The following SAMSN1 variants were observed in gnomAD, a reference collection of about 807,000 sequenced individuals.
SAMSN1 encodes the protein SAM domain, SH3 domain and nuclear localization signals 1, also known as SAM domain-containing protein SAMSN-1.
In SAMSN1, 31 loss-of-function variants were observed where a neutral mutation model predicts 42.0. The observed-to-expected ratio is 0.74, with a 90% confidence interval of 0.55 to 1.00. The LOEUF is 1.00. Among genes scored for constraint, SAMSN1 ranks in the 50% least tolerant of loss-of-function variants. The pLI is 0.00. For synonymous variants in SAMSN1, 178 were observed against 151.9 expected, an observed-to-expected ratio of 1.17 and a Z score of -1.26; for missense variants, 464 against 439.4, an observed-to-expected ratio of 1.06 and a Z score of -0.50.
chr21:14,644,993 T>C (rs980635503), intron 1 of SAMSN1, among the ~76,000 whole-genome samples: 1 of 152,130 alleles, frequency 6.6e-6, no homozygotes, highest in Admixed American at 6.5e-5. Context: ...AGCTCAGCTG[T>C]AATACAATAA....
upstream of SAMSN1, among the ~76,000 whole-genome samples, chr21:14,584,087 G>A (rs1260585579): frequency 6.0e-5 from 9 of 151,142 alleles, no homozygotes; most frequent in East Asian, 1.9e-4. Flanking sequence ...GTGAAACAGC[G>A]GAAAAAAACA....
At chr21:14,598,868 T>C (rs531873469) in intron 6 of SAMSN1, among the ~76,000 whole-genome samples, 8 of 152,204 alleles carry the variant, frequency 5.3e-5, no homozygotes, top group Non-Finnish European at 1.0e-4. Flanking sequence ...CAGGAAATGA[T>C]CATAGGAAAA....
At position 14,551,759 on chromosome 21, in the gene SAMSN1, A is replaced by G. The variant is rs1211118728; in HGVS notation, c.261+30377T>C. 2.0e-5 allele frequency among the ~76,000 whole-genome samples: 3 copies of G among 152,190 alleles called. No homozygotes were observed. In the East Asian group the frequency reaches 5.8e-4, roughly 29 times the overall value. Reference sequence around the variant, plus strand: ...GCTGTGTGCTTTATAAATATTTTCAATATAATCTTCACAAAAATCTTCATG... The same window carrying G: ...GCTGTGTGCTTTATAAATATTTTCAGTATAATCTTCACAAAAATCTTCATG... On this transcript the variant is annotated intron_variant, in intron 2 of 8. Coordinates refer to the SAMSN1 transcript ENST00000285670.
intron 1 of SAMSN1, among the ~76,000 whole-genome samples, chr21:14,644,906 G>A (rs546025419): frequency 9.2e-5 from 14 of 152,266 alleles, no homozygotes; most frequent in African/African-American, 3.4e-4. Context: ...ACCTAGGGTG[G>A]TATGGCTACA....
intron 2 of SAMSN1, among the ~76,000 whole-genome samples, chr21:14,561,172 A>G (rs918484283): frequency 2.0e-5 from 3 of 151,920 alleles, no homozygotes; most frequent in African/African-American, 7.3e-5. Flanking sequence ...CAGACTCATG[A>G]CTCAACTGGT....
chr21:14,597,235 C>T (rs1982295228), intron 6 of SAMSN1, among the ~76,000 whole-genome samples: 1 of 152,026 alleles, frequency 6.6e-6, no homozygotes. Context: ...TATATCACAG[C>T]ATAACCTTAA....
intron 2 of SAMSN1, among the ~76,000 whole-genome samples, chr21:14,626,508 A>C (rs1600972200): frequency 2.6e-5 from 4 of 152,254 alleles, no homozygotes; most frequent in African/African-American, 9.6e-5. Flanking sequence ...ACATTTATGC[A>C]GCCAAAAGAC....
intron 5 of SAMSN1, 58 bp from the exon 6 acceptor site, chr21:14,500,793 AT>A: frequency 7.6e-7 from 1 of 1,307,834 alleles, no homozygotes; most frequent in Non-Finnish European, 1.1e-6. Flanking sequence ...GATAGAAAGA[AT>A]GAAATCATAG....
chr21:14,603,231 T>A (rs1426082788), intron 5 of SAMSN1, among the ~76,000 whole-genome samples: 1 of 152,188 alleles, frequency 6.6e-6, no homozygotes, highest in Non-Finnish European at 1.5e-5. Context: ...GTCACCTTTT[T>A]ACAGGAATTT....
At chr21:14,529,120 G>A (rs1369856204) in intron 1 of SAMSN1, among the ~76,000 whole-genome samples, 1 of 152,200 alleles carries the variant, frequency 6.6e-6, no homozygotes, top group Non-Finnish European at 1.5e-5. Context: ...GCTGGCCACT[G>A]TGGACGAACT....
intron 2 of SAMSN1, among the ~76,000 whole-genome samples, chr21:14,629,626 C>T (rs1430173952): frequency 6.6e-6 from 1 of 152,204 alleles, no homozygotes; most frequent in Non-Finnish European, 1.5e-5. Context: ...CATCCACACA[C>T]AGCCTCTCAT....
intron 2 of SAMSN1, among the ~76,000 whole-genome samples, chr21:14,642,148 CG>C (rs2098570949): frequency 6.6e-6 from 1 of 151,994 alleles, no homozygotes; most frequent in Admixed American, 6.6e-5. Context: ...GCAGTTGTGG[CG>C]AAAGAAAATC....
At chr21:14,549,817 A>G (rs1296246498), upstream of SAMSN1, among the ~76,000 whole-genome samples, 1 of 152,104 alleles carries the variant, frequency 6.6e-6, no homozygotes, top group Non-Finnish European at 1.5e-5. Context: ...GCCCCCTCAG[A>G]GTAGACTTCT....
At chr21:14,557,191 G>A (rs1292369687) in intron 2 of SAMSN1, among the ~76,000 whole-genome samples, 1 of 152,124 alleles carries the variant, frequency 6.6e-6, no homozygotes, top group Non-Finnish European at 1.5e-5. Flanking sequence ...GTGGACTTTG[G>A]AGGAGTGATG....
At chr21:14,551,288 C>A (rs939426673), upstream of SAMSN1, among the ~76,000 whole-genome samples, 1 of 151,942 alleles carries the variant, frequency 6.6e-6, no homozygotes, top group Non-Finnish European at 1.5e-5. Flanking sequence ...AGAAACAGAT[C>A]ATTGGGATAA....
chr21:14,500,018 TA>T (rs1220595910), intron 6 of SAMSN1, among the ~76,000 whole-genome samples: 1 of 152,188 alleles, frequency 6.6e-6, no homozygotes, highest in African/African-American at 2.4e-5. Context: ...GGGTTACAGA[TA>T]CAGACAACAC....
intron 7 of SAMSN1, among the ~76,000 whole-genome samples, chr21:14,589,772 A>G (rs992978262): frequency 3.9e-5 from 6 of 152,136 alleles, no homozygotes; most frequent in Admixed American, 2.0e-4. Context: ...GAAGTAAAAA[A>G]CAAAACAAAA....
intron 2 of SAMSN1, among the ~76,000 whole-genome samples, chr21:14,581,817 T>A (rs1263339799): frequency 6.6e-6 from 1 of 152,108 alleles, no homozygotes; most frequent in Non-Finnish European, 1.5e-5. Context: ...TCAGTGAAAT[T>A]TCATTATAAT....
intron 1 of SAMSN1, among the ~76,000 whole-genome samples, chr21:14,533,361 G>C (rs759225521): frequency 6.6e-6 from 1 of 152,034 alleles, no homozygotes; most frequent in Non-Finnish European, 1.5e-5. Flanking sequence ...TTTGATACAA[G>C]GTAAATTTGA....
Sources: gnomAD v4.1 joint callset for allele counts (sites outside exome capture counted in the v4.1 genomes callset) on GRCh38, gnomAD v4.1.1 for gene constraint, MANE v1.5 for transcripts, NCBI Gene and HGNC (gene_info 2026-07-23, HGNC 2026-07-21) for gene names.